The following FSHR variants were observed in gnomAD, a reference collection of about 807,000 sequenced individuals.
FSHR encodes follicle stimulating hormone receptor, also known as follicle-stimulating hormone receptor.
A neutral mutation model predicts 52.1 loss-of-function variants in FSHR; 46 were observed. That is an observed-to-expected ratio of 0.88 (90% CI 0.70 to 1.13). The LOEUF (loss-of-function observed/expected upper bound fraction) is 1.13. FSHR is among the 50% of genes most tolerant of loss of function. The probability of loss-of-function intolerance (pLI) is 0.00; values close to 1 mark genes in which losing one functional copy is unlikely to be tolerated. For missense variants in FSHR, 964 were observed against 834.6 expected (o/e 1.16, Z -1.91); for synonymous variants, 399 against 309.6 (o/e 1.29, Z -3.03).
intron 2 of FSHR, among the ~76,000 whole-genome samples, chr2:49,021,322 C>A (rs1667688439): frequency 6.6e-6 from 1 of 152,044 alleles, no homozygotes; most frequent in Admixed American, 6.6e-5. Context: ...GGAGAGAGGG[C>A]AGCTTAATCA....
intron 5 of FSHR, among the ~76,000 whole-genome samples, chr2:48,989,535 G>A (rs1353150732): frequency 6.6e-6 from 1 of 152,132 alleles, no homozygotes; most frequent in Non-Finnish European, 1.5e-5. Context: ...GCCTGCCTTG[G>A]CTTCCGAAAG....
intron 9 of FSHR, among the ~76,000 whole-genome samples, chr2:48,967,609 A>G (rs918685476): frequency 1.3e-5 from 2 of 152,204 alleles, no homozygotes; most frequent in African/African-American, 4.8e-5. Flanking sequence ...CATTCTGGAT[A>G]ATATCCCAAT....
At chr2:49,028,448 G>C (rs1261699627) in intron 2 of FSHR, among the ~76,000 whole-genome samples, 1 of 152,126 alleles carries the variant, frequency 6.6e-6, no homozygotes, top group African/African-American at 2.4e-5. Context: ...TGTGACCTTG[G>C]ACAAGTCAAT....
chr2:49,038,266 G>A (rs1307774553), intron 2 of FSHR, among the ~76,000 whole-genome samples: 2 of 152,066 alleles, frequency 1.3e-5, no homozygotes, highest in Admixed American at 6.6e-5. Context: ...AACAAATAGA[G>A]TTTAAGAAGT....
At chr2:49,082,145 G>A (rs925170999) in intron 1 of FSHR, among the ~76,000 whole-genome samples, 1 of 152,202 alleles carries the variant, frequency 6.6e-6, no homozygotes, top group Non-Finnish European at 1.5e-5. Flanking sequence ...CCAGCACGCA[G>A]CTGGAGATCT....
At chr2:49,139,505 T>TA (rs1352656898) in intron 1 of FSHR, among the ~76,000 whole-genome samples, 2 of 152,152 alleles carry the variant, frequency 1.3e-5, no homozygotes, top group African/African-American at 2.4e-5. Flanking sequence ...ATTTACTTTT[T>TA]ATGGAGTGTC....
intron 1 of FSHR, among the ~76,000 whole-genome samples, chr2:49,107,845 A>G (rs1235462608): frequency 1.3e-5 from 2 of 152,150 alleles, no homozygotes; most frequent in African/African-American, 4.8e-5. Flanking sequence ...CCTGACTCTA[A>G]TGCTAGATCT....
intron 2 of FSHR, among the ~76,000 whole-genome samples, chr2:49,032,195 T>G (rs74530437): frequency 0.018 from 2,814 of 152,298 alleles, 87 homozygotes; most frequent in African/African-American, 0.064. Context: ...CCTCCAGAAT[T>G]AAGACATTTT....
chr2:49,079,287 A>C (rs1372947357), intron 1 of FSHR, among the ~76,000 whole-genome samples: 1 of 152,190 alleles, frequency 6.6e-6, no homozygotes, highest in East Asian at 1.9e-4. Flanking sequence ...CAATGTTGTG[A>C]AGATAATCAG....
chr2:48,991,954 C>T (rs567809086), intron 4 of FSHR, among the ~76,000 whole-genome samples: 34 of 151,158 alleles, frequency 2.2e-4, no homozygotes, highest in Non-Finnish European at 1.6e-4. Context: ...GTGCCTTGTT[C>T]TCTGCTTCTG....
In FSHR at chr2:49,068,217, A is replaced by G; in HGVS notation, c.224+2T>C. 6.2e-7 allele frequency: 1 copy of G among 1,609,574 alleles called. No individual in the cohort carries two copies. Among genetic ancestry groups the G allele is most frequent in the Non-Finnish European group, 8.5e-7 (1 of 1,177,642 alleles). On this transcript the variant is annotated splice_donor_variant, in intron 2 of 9. Transcript: ENST00000406846. LOFTEE classifies it high-confidence loss of function. ...TCACTCACAGCAGTGCTAGGTACATACATTTTCTCCAGGTCCCCAAATCCT... is the reference window on the plus strand; with the variant it reads ...TCACTCACAGCAGTGCTAGGTACATGCATTTTCTCCAGGTCCCCAAATCCT...
At chr2:49,047,131 T>G (rs1051970946) in intron 2 of FSHR, among the ~76,000 whole-genome samples, 4 of 152,184 alleles carry the variant, frequency 2.6e-5, no homozygotes, top group Non-Finnish European at 5.9e-5. Flanking sequence ...GTAGGATTTT[T>G]TGTTGTTGTT....
intron 9 of FSHR, among the ~76,000 whole-genome samples, chr2:48,968,187 T>C (rs532278830): frequency 1.3e-5 from 2 of 152,330 alleles, no homozygotes; most frequent in South Asian, 4.1e-4. Flanking sequence ...TGAGATGTCT[T>C]AATCTTTATC....
chr2:49,050,437 A>T (rs1319785206), intron 2 of FSHR, among the ~76,000 whole-genome samples: 2 of 152,192 alleles, frequency 1.3e-5, no homozygotes, highest in African/African-American at 4.8e-5. Context: ...TTAGGCACAG[A>T]CATCCTCTCC....
intron 4 of FSHR, among the ~76,000 whole-genome samples, chr2:49,005,308 G>A (rs911247326): frequency 2.0e-5 from 3 of 152,096 alleles, no homozygotes; most frequent in African/African-American, 7.2e-5. Context: ...CAACATCAGT[G>A]TTCTGGAAGG....
chr2:48,974,225 C>G (rs908681015), intron 8 of FSHR, among the ~76,000 whole-genome samples: 1 of 152,094 alleles, frequency 6.6e-6, no homozygotes, highest in Non-Finnish European at 1.5e-5. Context: ...TTGTGCAATG[C>G]CAACAAGAAG....
intron 1 of FSHR, among the ~76,000 whole-genome samples, chr2:49,087,836 A>T (rs1364098343): frequency 6.6e-6 from 1 of 152,172 alleles, no homozygotes; most frequent in Non-Finnish European, 1.5e-5. Flanking sequence ...TTAGGAAAAA[A>T]ACAGTGATAA....
At chr2:49,021,536 A>G (rs1021564172) in intron 2 of FSHR, among the ~76,000 whole-genome samples, 2 of 148,532 alleles carry the variant, frequency 1.3e-5, no homozygotes, top group Admixed American at 1.3e-4. Flanking sequence ...ATCAAGAGAA[A>G]GGCCTGGAGG....
chr2:49,028,970 G>T (rs1295597719), intron 2 of FSHR, among the ~76,000 whole-genome samples: 3 of 152,184 alleles, frequency 2.0e-5, no homozygotes, highest in African/African-American at 7.2e-5. Context: ...TAGTACCCTG[G>T]GTGGTTGCTA....
Sources: allele counts gnomAD v4.1 joint callset (sites outside exome capture counted in the v4.1 genomes callset), GRCh38; gene constraint gnomAD v4.1.1; transcripts MANE v1.5; gene names NCBI Gene and HGNC (gene_info 2026-07-23, HGNC 2026-07-21).